Variants in MYO3A observed in about 807,000 individuals in gnomAD.
The protein encoded by MYO3A is myosin IIIA.
A neutral mutation model predicts 192.7 loss-of-function variants in MYO3A; 180 were observed. The ratio of observed to expected loss-of-function variants is 0.93; its 90% confidence interval spans 0.83 to 1.06. The LOEUF is 1.06. Among genes scored for constraint, MYO3A ranks in the 50% least tolerant of loss-of-function variants. The pLI, the probability that MYO3A is intolerant of heterozygous loss-of-function variation, is 0.00. For missense variants in MYO3A, 1,896 were observed against 1,905.0 expected (o/e 1.00, Z 0.09); for synonymous variants, 628 against 645.3 (o/e 0.97, Z 0.41).
At chr10:26,164,088 T>C (rs998909394) in intron 26 of MYO3A, among the ~76,000 whole-genome samples, 2 of 152,202 alleles carry the variant, frequency 1.3e-5, no homozygotes, top group African/African-American at 2.4e-5. Flanking sequence ...TAAGAGGCCT[T>C]GTTGCTATGT....
rs551898294 is a variant in MYO3A at position 26,183,848 on chromosome 10, G to A, written c.4438+7003G>A. On this transcript the variant is annotated intron_variant, in intron 31 of 34. Transcript: ENST00000642920. ...GGGACACTCAGAGCAGGACAAGCACGTACCCTTAGCTTTTCACCTCAAATA... is the reference window on the plus strand; with the variant it reads ...GGGACACTCAGAGCAGGACAAGCACATACCCTTAGCTTTTCACCTCAAATA... Among the ~76,000 whole-genome samples the A allele has an allele frequency of 1.4e-4, 21 of 152,264 alleles. 1 individual carries two copies. The highest frequency in any genetic ancestry group is 9.8e-4 in the Admixed American group (15 of 15,300).
intron 26 of MYO3A, among the ~76,000 whole-genome samples, chr10:26,160,655 G>T (rs960714297): frequency 6.6e-6 from 1 of 151,784 alleles, no homozygotes; most frequent in Non-Finnish European, 1.5e-5. Flanking sequence ...TAAAAAAAAT[G>T]AAAAATAAAA....
chr10:26,025,664 T>G (rs1255874320), intron 9 of MYO3A, among the ~76,000 whole-genome samples: 1 of 152,182 alleles, frequency 6.6e-6, no homozygotes, highest in Admixed American at 6.5e-5. Context: ...CTTGAATCCT[T>G]CTTTTACATA....
At chr10:25,999,206 A>G (rs956192335) in intron 6 of MYO3A, among the ~76,000 whole-genome samples, 1 of 152,210 alleles carries the variant, frequency 6.6e-6, no homozygotes, top group East Asian at 1.9e-4. Context: ...CCTTTATATG[A>G]TATCTTTTTA....
chr10:26,021,393 T>C lies in MYO3A; in HGVS notation c.586-110T>C, dbSNP rs555427385. The C allele has an allele frequency of 8.5e-6, 11 of 1,294,298 alleles. No homozygotes were observed. The East Asian group carries it at 2.1e-4, about 25-fold the overall frequency. 80.2% of individuals were successfully genotyped at this position (1,294,298 alleles called of 1,614,324 possible). Reference sequence around the variant, plus strand: ...AAGTTACTGCCTTCGTCTTTACTTATAGCTATCAAACTTCACCAGTTTAAA... The same window carrying C: ...AAGTTACTGCCTTCGTCTTTACTTACAGCTATCAAACTTCACCAGTTTAAA... On this transcript the variant is annotated intron_variant, in intron 7 of 34. Transcript: ENST00000642920.
chr10:26,177,504 C>T (rs1211185145), intron 31 of MYO3A, among the ~76,000 whole-genome samples: 2 of 152,166 alleles, frequency 1.3e-5, no homozygotes, highest in Admixed American at 6.5e-5. Context: ...TGGCTGCTCC[C>T]ACACCCTGCA....
chr10:26,005,858 A>G (rs1186720585), intron 6 of MYO3A, among the ~76,000 whole-genome samples: 1 of 152,134 alleles, frequency 6.6e-6, no homozygotes. Context: ...AAACATTAAT[A>G]TATTACTCAT....
intron 10 of MYO3A, among the ~76,000 whole-genome samples, chr10:26,041,746 T>G (rs1427194665): frequency 2.6e-5 from 4 of 152,148 alleles, no homozygotes; most frequent in Non-Finnish European, 5.9e-5. Flanking sequence ...ATTATTCTGC[T>G]TTTTAACTTT....
intron 20 of MYO3A, among the ~76,000 whole-genome samples, chr10:26,132,785 C>T (rs1218934065): frequency 6.6e-6 from 1 of 152,018 alleles, no homozygotes; most frequent in South Asian, 2.1e-4. Context: ...GTTTTAGAAG[C>T]AGGAAACTAT....
intron 6 of MYO3A, among the ~76,000 whole-genome samples, chr10:26,008,865 A>G (rs369594016): frequency 6.6e-6 from 1 of 151,942 alleles, no homozygotes; most frequent in Non-Finnish European, 1.5e-5. Flanking sequence ...TGACCCAGCC[A>G]TCCCATTACT....
chr10:26,202,513 T>C (rs1382846860), intron 33 of MYO3A, among the ~76,000 whole-genome samples: 2 of 152,202 alleles, frequency 1.3e-5, no homozygotes, highest in Non-Finnish European at 2.9e-5. Flanking sequence ...CAGAATGTTA[T>C]TCATGAAGGA....
intron 4 of MYO3A, among the ~76,000 whole-genome samples, chr10:25,989,120 A>T (rs931352240): frequency 6.6e-6 from 1 of 151,552 alleles, no homozygotes; most frequent in African/African-American, 2.4e-5. Flanking sequence ...TTATAAAAAA[A>T]TTTTTTTAGA....
At chr10:26,095,767 A>G (rs1836980625) in intron 15 of MYO3A, among the ~76,000 whole-genome samples, 1 of 152,244 alleles carries the variant, frequency 6.6e-6, no homozygotes. Flanking sequence ...ATGGGATTTG[A>G]GACTTATAAG....
At chr10:26,036,426 C>G (rs149695350) in intron 10 of MYO3A, among the ~76,000 whole-genome samples, 1 of 152,230 alleles carries the variant, frequency 6.6e-6, no homozygotes, top group East Asian at 1.9e-4. Flanking sequence ...GAAAGAGTCT[C>G]TCATGCCTAT....
At chr10:26,109,912 C>A (rs551767595) in intron 17 of MYO3A, among the ~76,000 whole-genome samples, 194 of 152,254 alleles carry the variant, frequency 1.3e-3, no homozygotes, top group Non-Finnish European at 2.5e-3. Context: ...CAGCACCAAT[C>A]AAGAATTATT....
intron 26 of MYO3A, among the ~76,000 whole-genome samples, chr10:26,164,014 G>A (rs998882320): frequency 1.3e-5 from 2 of 152,158 alleles, no homozygotes; most frequent in Non-Finnish European, 2.9e-5. Flanking sequence ...CAGAAAAAAC[G>A]CTTACAATTA....
chr10:26,110,926 AGTAGTACAGCTCACT>A (rs1207349494), intron 17 of MYO3A, among the ~76,000 whole-genome samples: 1 of 148,926 alleles, frequency 6.7e-6, no homozygotes, highest in African/African-American at 2.5e-5. Context: ...GCTGGAGTGC[AGTAGTACAGCTCACT>A]GTAGTTTCAA....
intron 17 of MYO3A, among the ~76,000 whole-genome samples, chr10:26,109,822 GT>G (rs1476519655): frequency 5.9e-5 from 9 of 152,126 alleles, no homozygotes; most frequent in African/African-American, 2.2e-4. Flanking sequence ...TTGCTACTCT[GT>G]TTCTAGAGGA....
chr10:26,054,692 T>C (rs1243691630), intron 10 of MYO3A, among the ~76,000 whole-genome samples: 1 of 152,104 alleles, frequency 6.6e-6, no homozygotes, highest in Non-Finnish European at 1.5e-5. Context: ...GCAAGAAGGT[T>C]AGTGAGGGAG....
Sources: gnomAD v4.1 joint callset for allele counts (sites outside exome capture counted in the v4.1 genomes callset) on GRCh38, gnomAD v4.1.1 for gene constraint, MANE v1.5 for transcripts, NCBI Gene and HGNC (gene_info 2026-07-23, HGNC 2026-07-21) for gene names.